GGCT: variants seen among roughly 807,000 people sequenced by gnomAD.
The protein encoded by GGCT is cytochrome c-releasing factor 21.
GGCT carries 20 observed loss-of-function variants against 22.1 expected under a neutral mutation model. The ratio of observed to expected loss-of-function variants is 0.91; its 90% CI spans 0.64 to 1.32. GGCT has a LOEUF of 1.32. GGCT is among the 40% of genes most tolerant of loss of function. The probability of loss-of-function intolerance (pLI) is 0.00; values close to 1 mark genes in which losing one functional copy is unlikely to be tolerated. For missense variants in GGCT, 209 were observed against 223.5 expected (o/e 0.94, Z 0.41); for synonymous variants, 72 against 78.4 (o/e 0.92, Z 0.43).
rs1562740425 is a variant in GGCT, at chr7:30,497,248, AAAAC to A, written c.424-17_424-14del. On this transcript the variant is annotated splice_polypyrimidine_tract_variant and intron_variant, in intron 3 of 3. Transcript: ENST00000275428. ...CCATGCAAATAATCTGGAAATGGTT[AAAAC>A]AAACAGACAAAAAAACCCTTTCAGT... 17 of 1,589,426 alleles carry A rather than the reference AAAAC, an allele frequency of 1.1e-5. 1 individual carries two copies. In the South Asian group the frequency reaches 1.3e-4, roughly 12 times the overall value.
At position 30,504,432 on chromosome 7, in the gene GGCT, CAGG is replaced by C. The variant is rs1789778288; in HGVS notation, c.141+134_141+136del. On this transcript the variant is annotated intron_variant, in intron 1 of 3. Transcript: ENST00000275428. ...GCGCAGCGGAGGAGGTGGACCCGCC[CAGG>C]AGGCGGAAGCCGCGTCCTAGTACCC... 3 of 1,002,210 alleles carry C rather than the reference CAGG, an allele frequency of 3.0e-6. No homozygotes were observed. The South Asian group carries it at 4.7e-5, about 16-fold the overall frequency. 62.1% of individuals were successfully genotyped at this position (1,002,210 alleles called of 1,614,324 possible).
At chr7:30,503,635 G>C (rs989011247) in intron 1 of GGCT, among the ~76,000 whole-genome samples, 11 of 152,078 alleles carry the variant, frequency 7.2e-5, no homozygotes, top group African/African-American at 2.7e-4. Context: ...CAGTGGCGTG[G>C]AAGAGGCTCC....
chr7:30,499,869 A>C (rs1789659863), intron 2 of GGCT, among the ~76,000 whole-genome samples: 1 of 151,696 alleles, frequency 6.6e-6, no homozygotes, highest in African/African-American at 2.4e-5. Flanking sequence ...CTATGGAAAC[A>C]TTGTTCTTTG....
chr7:30,503,197 C>A (rs944422573), intron 1 of GGCT, among the ~76,000 whole-genome samples: 1 of 152,186 alleles, frequency 6.6e-6, no homozygotes, highest in Non-Finnish European at 1.5e-5. Flanking sequence ...TGGTCATACG[C>A]CCCATTGCAC....
intron 1 of GGCT, 126 bp downstream of exon 1, chr7:30,504,443 A>C: frequency 1.8e-6 from 2 of 1,096,872 alleles, no homozygotes; most frequent in Admixed American, 2.4e-5. Flanking sequence ...AGGAGGCGGA[A>C]GCCGCGTCCT....
rs4270 is a variant in GGCT, at chr7:30,496,995, T to C, written c.*97A>G. ...TACTCCTTCAGAGCACTGCTGAAAATGGATCAAACGTGGAGATCCCCCAGA... is the reference window on the plus strand; with the variant it reads ...TACTCCTTCAGAGCACTGCTGAAAACGGATCAAACGTGGAGATCCCCCAGA... On this transcript the variant is annotated 3_prime_UTR_variant, in exon 4 of 4. Transcript: ENST00000275428. 0.24 allele frequency: 179,446 copies of C among 750,870 alleles called. 22,931 individuals are homozygous for C. Among genetic ancestry groups the C allele is most frequent in the East Asian group, 0.44 (16,052 of 36,386 alleles). 46.5% of individuals were successfully genotyped at this position (750,870 alleles called of 1,614,324 possible). A position where few individuals can be genotyped will look rare whatever the true frequency, so the allele number is the denominator to read the frequency against.
In GGCT at chr7:30,497,741, C is replaced by T. The variant is rs778963174; in HGVS notation, c.424-506G>A. 1.3e-4 allele frequency: 179 copies of T among 1,396,978 alleles called. 1 individual carries two copies. Among genetic ancestry groups the T allele is most frequent in the Non-Finnish European group, 1.5e-4 (162 of 1,061,548 alleles). The allele number at this position is 1,396,978 out of a possible 1,614,324, so 86.5% of individuals were successfully genotyped here. ...AAACGAGGCCTAGGAACCAGATTAC[C>T]TATTACAGGTGCCATGACCTGATTG... On this transcript the variant is annotated intron_variant, in intron 3 of 3. Transcript: ENST00000275428.
Position 30,500,537 on chromosome 7 carries a change from C to A in GGCT, c.286G>T (p.Glu96Ter). The change falls in exon 2 of 4, where the codon GAG becomes TAG. Residue 96 changes from glutamate (E) to a stop codon, truncating the protein, a stop_gained and splice_region_variant. Transcript: ENST00000275428. LOFTEE classifies it high-confidence loss of function. ...AACTTATAATTAGAAGCCACCTACT[C>A]ATCCAGAGAATTTAAATTGCTTTTG... ...MNKSNLNSLD[E>*]QEGVKSGMYV... The A allele has an allele frequency of 3.1e-6, 5 of 1,610,928 alleles. No individual in the cohort carries two copies. Among genetic ancestry groups the A allele is most frequent in the Non-Finnish European group, 4.2e-6 (5 of 1,177,380 alleles).
rs999735715 is a variant in GGCT, at chr7:30,500,828, ATAAAGT to A, written c.142-153_142-148del. ...CTATGCATAAGAAGCTGTGGAAAAT[ATAAAGT>A]TAAACAGACAGGACCCAGATCCCAA... On this transcript the variant is annotated intron_variant, in intron 1 of 3. Coordinates refer to ENST00000275428, the MANE Select transcript of GGCT (RefSeq NM_024051.4). 52 of 602,616 alleles carry A rather than the reference ATAAAGT, an allele frequency of 8.6e-5. No individual in the cohort carries two copies. The African/African-American group carries it at 8.7e-4, about 10-fold the overall frequency. 37.3% of individuals were successfully genotyped at this position (602,616 alleles called of 1,614,324 possible). A position where few individuals can be genotyped will look rare whatever the true frequency, so the allele number is the denominator to read the frequency against.
Position 30,497,657 on chromosome 7 carries a change from G to A in GGCT, c.424-422C>T, listed in dbSNP as rs1789583627. ...GGGGAATAAATGGCAACTGTGTTTA[G>A]CGGTACTTTCATAATCTATACCAGG... is the stretch of plus-strand genomic sequence containing the variant. On this transcript the variant is annotated intron_variant, in intron 3 of 3. Coordinates refer to ENST00000275428, the MANE Select transcript of GGCT (RefSeq NM_024051.4). The A allele has an allele frequency of 7.2e-6, 5 of 696,410 alleles. No homozygotes were observed. The East Asian group carries it at 1.0e-4, about 14-fold the overall frequency. The allele number at this position is 696,410 out of a possible 1,614,324, so 43.1% of individuals were successfully genotyped here. A position where few individuals can be genotyped will look rare whatever the true frequency, so the allele number is the denominator to read the frequency against.
chr7:30,497,680 A>AG (rs1237421931), intron 3 of GGCT: 46 of 898,556 alleles, frequency 5.1e-5, no homozygotes, highest in Non-Finnish European at 7.1e-5. Flanking sequence ...AATCTATACC[A>AG]GGCTAATTTC....
intron 1 of GGCT, among the ~76,000 whole-genome samples, chr7:30,501,758 G>GAA (rs1472617194): frequency 1.3e-5 from 2 of 152,262 alleles, no homozygotes; most frequent in Non-Finnish European, 2.9e-5. Context: ...TGAACTAAAC[G>GAA]ATAATTCTAG....
Position 30,496,774 on chromosome 7 carries a change from G to A in GGCT, c.*318C>T. ...CAATTCACCAGCACCATCATCAAGT[G>A]AGCTACAAATCTATCTTTTACCAGA... On this transcript the variant is annotated 3_prime_UTR_variant, in exon 4 of 4. Coordinates refer to ENST00000275428, the MANE Select transcript of GGCT (RefSeq NM_024051.4). 1 of 178,606 alleles carries A rather than the reference G, an allele frequency of 5.6e-6. No homozygotes were observed. 11.1% of individuals were successfully genotyped at this position (178,606 alleles called of 1,614,324 possible).
intron 1 of GGCT, among the ~76,000 whole-genome samples, 174 bp from the exon 2 acceptor site, chr7:30,500,855 C>T (rs996166047): frequency 6.6e-5 from 10 of 152,128 alleles, no homozygotes; most frequent in African/African-American, 9.7e-5. Flanking sequence ...GGACCCAGAT[C>T]CCAAGGATTA....
intron 3 of GGCT, 106 bp downstream of exon 3, chr7:30,498,697 G>T: frequency 2.0e-6 from 2 of 985,068 alleles, no homozygotes; most frequent in African/African-American, 1.6e-5. Context: ...GGCATTACAG[G>T]CATGAGCCAC....
chr7:30,500,639 G>T lies in GGCT; in HGVS notation c.184C>A (p.Gln62Lys), dbSNP rs1789678736. The T allele has an allele frequency of 6.2e-7, 1 of 1,613,702 alleles. No individual in the cohort carries two copies. The highest frequency in any genetic ancestry group is 8.5e-7 in the Non-Finnish European group (1 of 1,179,722). ...GTGGCTATCCCTCCATGCCAAGTTT[G>T]ACTTGTTTTGCCTTGGGAATTGCCA... ...DFGNSQGKTS[Q>K]TWHGGIATIF... The change falls in exon 2 of 4, where the codon CAA becomes AAA. Residue 62 changes from glutamine to lysine, a missense_variant. Transcript: ENST00000275428.
chr7:30,503,412 A>T (rs747699711), intron 1 of GGCT, among the ~76,000 whole-genome samples: 3 of 152,176 alleles, frequency 2.0e-5, no homozygotes, highest in Non-Finnish European at 2.9e-5. Flanking sequence ...TGGTTCTCTC[A>T]GTTTTGCTTA....
chr7:30,498,711 G>C (rs552899410), intron 3 of GGCT, 92 bp downstream of exon 3: 2 of 1,163,924 alleles, frequency 1.7e-6, no homozygotes, highest in African/African-American at 1.5e-5. Context: ...GAGCCACCAC[G>C]TTGGGCCTAA....
At chr7:30,501,425 G>A (rs555710472) in intron 1 of GGCT, among the ~76,000 whole-genome samples, 28 of 152,132 alleles carry the variant, frequency 1.8e-4, no homozygotes, top group Non-Finnish European at 2.1e-4. Flanking sequence ...GGACCATTCC[G>A]TTTTATTTTG....
Sources: gnomAD v4.1 joint callset for allele counts (sites outside exome capture counted in the v4.1 genomes callset) on GRCh38, gnomAD v4.1.1 for gene constraint, MANE v1.5 for transcripts, NCBI Gene and HGNC (gene_info 2026-07-23, HGNC 2026-07-21) for gene names.